Variants in ARRB2 observed in about 807,000 individuals in gnomAD.
The protein encoded by ARRB2 is beta-arrestin-2.
A neutral mutation model predicts 53.4 loss-of-function variants in ARRB2; 21 were observed. The observed-to-expected ratio is 0.39, with a 90% CI of 0.28 to 0.57. ARRB2 has a LOEUF of 0.57. ARRB2 is among the 20% of genes least tolerant of loss of function. The probability of loss-of-function intolerance (pLI) is 0.55; values close to 1 mark genes in which losing one functional copy is unlikely to be tolerated. For synonymous variants in ARRB2, 180 were observed against 212.9 expected (o/e 0.85, Z 1.34); for missense variants, 369 against 527.5 (o/e 0.70, Z 2.94).
rs766248334 is a variant in ARRB2, at chr17:4,716,132, G to A, written c.116-15G>A. ...CGGCCCTTTCAGGAAGTGAGCTGGT[G>A]TGTCCCCCTCCTAGATGGCGTGGTG... On this transcript the variant is annotated splice_polypyrimidine_tract_variant and intron_variant, in intron 3 of 14. Transcript: ENST00000269260. The A allele has an allele frequency of 1.1e-5, 18 of 1,614,076 alleles. No homozygotes were observed. In the African/African-American group the frequency reaches 2.0e-4, roughly 18 times the overall value.
At chr17:4,718,205 G>A (rs1597484402) in intron 8 of ARRB2, 56 bp from the exon 9 acceptor site, 1 of 1,565,166 alleles carries the variant, frequency 6.4e-7, no homozygotes, top group East Asian at 2.3e-5. Flanking sequence ...GGGACACACT[G>A]ATGATGGGAA....
At chr17:4,720,160 T>C in intron 11 of ARRB2, 56 bp from the exon 12 acceptor site, 1 of 1,548,474 alleles carries the variant, frequency 6.5e-7, no homozygotes, top group Non-Finnish European at 8.8e-7. Flanking sequence ...AACCCCACGG[T>C]GGGCCAGGTG....
Position 4,716,602 on chromosome 17 carries a change from C to A in ARRB2, c.351C>A (p.Phe117Leu). 1 of 1,500,538 alleles carries A rather than the reference C, an allele frequency of 6.7e-7. No homozygotes were observed. The highest frequency in any genetic ancestry group is 2.7e-5 in the East Asian group (1 of 36,646). 93.0% of individuals were successfully genotyped at this position (1,500,538 alleles called of 1,614,324 possible). A position where few individuals can be genotyped will look rare whatever the true frequency, so the allele number is the denominator to read the frequency against. The change falls in exon 5 of 15, where the codon TTC becomes TTA. Residue 117 changes from phenylalanine to leucine, a missense_variant. Transcript: ENST00000269260. ...RKLGQHAHPF[F>L]FTIPQNLPCS... The stretch of plus-strand genomic sequence containing the variant: ...TGGGCCAGCATGCCCACCCCTTCTT[C>A]TTCACCGTGAGGATGCCCCTGCCCT...
intron 14 of ARRB2, 36 bp downstream of exon 14, chr17:4,720,676 A>G (rs1396012622): frequency 6.7e-7 from 1 of 1,493,850 alleles, no homozygotes; most frequent in African/African-American, 1.4e-5. Flanking sequence ...CCCTCTTGGG[A>G]CAAAGATTCC....
intron 11 of ARRB2, among the ~76,000 whole-genome samples, chr17:4,719,895 C>T (rs1915516279): frequency 6.6e-6 from 1 of 152,180 alleles, no homozygotes; most frequent in Admixed American, 6.5e-5. Context: ...CACAGCCACA[C>T]ACAGCAGGCC....
In ARRB2 at chr17:4,717,699, C is replaced by CT; in HGVS notation, c.435dup (p.Glu146Ter). ...CCCTCCCCGAGGCCTGCGGCGTAGA[C>CT]TTTGAGATTCGAGCCTTCTGTGCTA... On this transcript the variant is annotated frameshift_variant, in exon 7 of 15. Transcript: ENST00000269260. LOFTEE classifies it high-confidence loss of function. The surrounding 1 kb of genome is among the most constrained non-coding windows in gnomAD (Gnocchi z 6.0). 2 of 1,614,154 alleles carry CT rather than the reference C, an allele frequency of 1.2e-6. No homozygotes were observed. Among genetic ancestry groups the CT allele is most frequent in the Non-Finnish European group, 1.7e-6 (2 of 1,180,028 alleles).
At chr17:4,713,683 AG>A (rs1914661647) in intron 1 of ARRB2, among the ~76,000 whole-genome samples, 1 of 150,486 alleles carries the variant, frequency 6.6e-6, no homozygotes, top group Non-Finnish European at 1.5e-5. Flanking sequence ...CCAGCTACTC[AG>A]GAAGCTGAGG....
At position 4,718,779 on chromosome 17, in the gene ARRB2, C is replaced by T. The variant is rs958866390; in HGVS notation, c.779+95C>T. On this transcript the variant is annotated intron_variant, in intron 10 of 14. Coordinates refer to ENST00000269260, the MANE Select transcript of ARRB2 (RefSeq NM_004313.4). ...GGAAGAATTCTTCCTGAGCCATCTC[C>T]ACCTTTTTTTTTTTTTTTGAGATGG... 15 of 1,149,800 alleles carry T rather than the reference C, an allele frequency of 1.3e-5. No homozygotes were observed. The South Asian group carries it at 2.3e-4, about 18-fold the overall frequency. 71.2% of individuals were successfully genotyped at this position (1,149,800 alleles called of 1,614,324 possible).
intron 13 of ARRB2, 32 bp from the exon 14 acceptor site, chr17:4,720,554 C>T: frequency 6.4e-7 from 1 of 1,563,286 alleles, no homozygotes; most frequent in East Asian, 2.2e-5. Flanking sequence ...TTCCAGCACC[C>T]ACCCCCACAC....
chr17:4,716,834 C>A, intron 5 of ARRB2: 1 of 791,284 alleles, frequency 1.3e-6, no homozygotes, highest in Non-Finnish European at 1.9e-6. Context: ...CTTTCTCCAG[C>A]CTCTTTTTTG....
chr17:4,716,720 C>G (rs900872484), intron 5 of ARRB2, 112 bp downstream of exon 5: 2 of 1,456,892 alleles, frequency 1.4e-6, no homozygotes, highest in African/African-American at 1.4e-5. Context: ...AGGCAGGGAC[C>G]CTAGATCCAC....
chr17:4,711,712 G>T (rs1315436568), intron 1 of ARRB2, among the ~76,000 whole-genome samples: 1 of 152,138 alleles, frequency 6.6e-6, no homozygotes, highest in African/African-American at 2.4e-5. Flanking sequence ...CCTGGATCAG[G>T]GTTTAAACAT....
At chr17:4,712,752 A>C (rs1468034476) in intron 1 of ARRB2, among the ~76,000 whole-genome samples, 1 of 152,236 alleles carries the variant, frequency 6.6e-6, no homozygotes, top group Non-Finnish European at 1.5e-5. Flanking sequence ...AGCAACTGGA[A>C]AGCAAATAAC....
At chr17:4,720,065 G>A (rs924751983) in intron 11 of ARRB2, 151 bp from the exon 12 acceptor site, 7 of 730,818 alleles carry the variant, frequency 9.6e-6, no homozygotes, top group East Asian at 5.4e-5. Flanking sequence ...AGTGCAGTGC[G>A]CACTGTACCA....
In ARRB2 at chr17:4,720,433, A is replaced by C; in HGVS notation, c.1042A>C (p.Lys348Gln). The C allele has an allele frequency of 6.2e-7, 1 of 1,612,736 alleles. No homozygotes were observed. The highest frequency in any genetic ancestry group is 8.5e-7 in the Non-Finnish European group (1 of 1,179,596). ...VELPFVLMHPKPHDHIPLPRP... is the reference protein window; with the variant it reads ...VELPFVLMHPQPHDHIPLPRP... ...GCTGCCTTTTGTTCTTATGCACCCC[A>C]AGCCCCACGACCACATCCCCCTCCC... Residue 348 changes from lysine (K) to glutamine (Q), a missense_variant, in exon 13 of 15, where the codon AAG (lysine) becomes CAG (glutamine). Lys to Gln is a moderately conservative substitution (Grantham distance 53, BLOSUM62 1). Coordinates refer to ENST00000269260, the MANE Select transcript of ARRB2 (RefSeq NM_004313.4).
intron 5 of ARRB2, chr17:4,716,925 C>A (rs2150593914): frequency 1.7e-6 from 1 of 596,838 alleles, no homozygotes; most frequent in South Asian, 2.0e-5. Context: ...ACCTCCGCCT[C>A]CCAGGTTCAA....
rs772430927 is a variant in ARRB2, at chr17:4,720,651, C to T, written c.1136+11C>T. ...TGAATTTGATACCAAGTAAGAAACT[C>T]ATTCCCCTACTTGACCCTCTTGGGA... On this transcript the variant is annotated intron_variant, in intron 14 of 14. Coordinates refer to ENST00000269260, the MANE Select transcript of ARRB2 (RefSeq NM_004313.4). 5.1e-6 allele frequency: 8 copies of T among 1,556,426 alleles called. No individual in the cohort carries two copies. Among genetic ancestry groups the T allele is most frequent in the Non-Finnish European group, 6.1e-6 (7 of 1,152,678 alleles).
Position 4,717,376 on chromosome 17 carries a change from G to A in ARRB2, c.417+100G>A. On this transcript the variant is annotated intron_variant, in intron 6 of 14. Transcript: ENST00000269260. The surrounding 1 kb of genome is among the most constrained non-coding windows in gnomAD (Gnocchi z 6.0). ...AGAGGGTGAACTGTCGAGATGCCAG[G>A]GTGGGGCCGAGGGTAGGCCAGTGTC... 6.9e-7 allele frequency: 1 copy of A among 1,456,442 alleles called. No individual in the cohort carries two copies. Among genetic ancestry groups the A allele is most frequent in the South Asian group, 1.1e-5 (1 of 87,780 alleles). 90.2% of individuals were successfully genotyped at this position (1,456,442 alleles called of 1,614,324 possible).
Position 4,721,022 on chromosome 17 carries a change from G to A in ARRB2, c.1213G>A (p.Asp405Asn), listed in dbSNP as rs1915645634. 1 of 1,613,528 alleles carries A rather than the reference G, an allele frequency of 6.2e-7. No homozygotes were observed. The highest frequency in any genetic ancestry group is 8.5e-7 in the Non-Finnish European group (1 of 1,179,538). ...RLKGMKDDDY[D>N]DQLC ...GAAGGGGATGAAGGATGACGACTAT[G>A]ATGATCAACTCTGCTAGGAAGCGGG... is the stretch of plus-strand genomic sequence containing the variant. The change falls in exon 15 of 15, where the codon GAT becomes AAT. Residue 405 changes from aspartate (D) to asparagine (N), a missense_variant. Physicochemically the swap from Asp to Asn is conservative, Grantham distance 23 (BLOSUM62 1). Transcript: ENST00000269260. This position sits in a 1 kb window ranked among gnomAD's most constrained non-coding sequence, Gnocchi z 4.2.
Sources: gnomAD v4.1 joint callset for allele counts (sites outside exome capture counted in the v4.1 genomes callset) on GRCh38, gnomAD v4.1.1 for gene constraint, Gnocchi (gnomAD v3.1) non-coding constraint, MANE v1.5 for transcripts, NCBI Gene and HGNC (gene_info 2026-07-23, HGNC 2026-07-21) for gene names.